Variants in MARCHF3 observed in about 807,000 individuals in gnomAD.
MARCHF3 encodes the protein E3 ubiquitin-protein ligase MARCHF3.
MARCHF3 carries 13 observed loss-of-function variants against 24.2 expected under a neutral mutation model. That is an observed-to-expected ratio of 0.54 (90% CI 0.35 to 0.85). The LOEUF is 0.85. MARCHF3 is among the 40% of genes least tolerant of loss of function. The pLI is 0.01. For missense variants in MARCHF3, 276 were observed against 325.0 expected, an observed-to-expected ratio of 0.85 and a Z score of 1.16; for synonymous variants, 144 against 137.3, an observed-to-expected ratio of 1.05 and a Z score of -0.34.
intron 1 of MARCHF3, among the ~76,000 whole-genome samples, chr5:126,923,097 C>T (rs1749176147): frequency 6.6e-6 from 1 of 152,144 alleles, no homozygotes; most frequent in African/African-American, 2.4e-5. Flanking sequence ...CACCATGGCA[C>T]ACATTTACCT....
At chr5:126,984,373 A>C (rs1384299499) in intron 1 of MARCHF3, among the ~76,000 whole-genome samples, 1 of 152,186 alleles carries the variant, frequency 6.6e-6, no homozygotes, top group Non-Finnish European at 1.5e-5. Context: ...GGAAGGGAGT[A>C]AGGAAAGCCA....
At chr5:126,889,312 G>A (rs554572288) in intron 3 of MARCHF3, among the ~76,000 whole-genome samples, 1 of 152,006 alleles carries the variant, frequency 6.6e-6, no homozygotes, top group Admixed American at 6.6e-5. Flanking sequence ...CAAAAGATGA[G>A]AATACGATAA....
intron 1 of MARCHF3, among the ~76,000 whole-genome samples, chr5:126,985,908 G>A (rs1212298527): frequency 6.6e-6 from 1 of 152,130 alleles, no homozygotes; most frequent in Non-Finnish European, 1.5e-5. Context: ...ACTCTATTTG[G>A]TCCCTGGATA....
intron 1 of MARCHF3, among the ~76,000 whole-genome samples, chr5:126,926,165 T>C (rs747829275): frequency 2.0e-5 from 3 of 152,240 alleles, no homozygotes; most frequent in Non-Finnish European, 2.9e-5. Flanking sequence ...GATGTGCTAA[T>C]TCTTAACCCA....
chr5:126,942,795 G>A (rs1749874862), intron 1 of MARCHF3, among the ~76,000 whole-genome samples: 1 of 152,126 alleles, frequency 6.6e-6, no homozygotes, highest in Admixed American at 6.5e-5. Flanking sequence ...TCTGACATGT[G>A]TTTTGAAACT....
intron 1 of MARCHF3, among the ~76,000 whole-genome samples, chr5:127,008,594 C>G (rs1257522385): frequency 1.3e-5 from 2 of 152,188 alleles, no homozygotes; most frequent in Non-Finnish European, 2.9e-5. Flanking sequence ...TTCTGGACAG[C>G]TCTGTTTTGT....
At chr5:126,872,340 G>A (rs1034789470) in intron 4 of MARCHF3, among the ~76,000 whole-genome samples, 26 of 152,194 alleles carry the variant, frequency 1.7e-4, no homozygotes, top group South Asian at 4.1e-4. Context: ...GATTACAGGC[G>A]TGAACCATGG....
chr5:127,005,927 G>C (rs1446871891), intron 1 of MARCHF3, among the ~76,000 whole-genome samples: 3 of 151,840 alleles, frequency 2.0e-5, no homozygotes, highest in African/African-American at 7.3e-5. Context: ...TTTTGGCCAG[G>C]GTGGTGGCTC....
At chr5:127,023,797 A>C (rs942714130) in intron 1 of MARCHF3, among the ~76,000 whole-genome samples, 1 of 151,854 alleles carries the variant, frequency 6.6e-6, no homozygotes, top group African/African-American at 2.4e-5. Context: ...AAATAAAAAA[A>C]GGTTCCCTCA....
At chr5:126,932,725 G>T (rs1749518676) in intron 1 of MARCHF3, among the ~76,000 whole-genome samples, 1 of 152,096 alleles carries the variant, frequency 6.6e-6, no homozygotes, top group African/African-American at 2.4e-5. Flanking sequence ...TGGCTTCAAG[G>T]GGTAAAATAC....
intron 4 of MARCHF3, among the ~76,000 whole-genome samples, chr5:126,877,022 AAATT>A (rs1428877092): frequency 7.2e-5 from 11 of 152,226 alleles, no homozygotes; most frequent in Non-Finnish European, 1.6e-4. Flanking sequence ...CAGAATGTCT[AAATT>A]AACCATAAGA....
chr5:126,873,043 A>G (rs1261793648), intron 4 of MARCHF3, among the ~76,000 whole-genome samples: 1 of 152,212 alleles, frequency 6.6e-6, no homozygotes, highest in Middle Eastern at 3.2e-3. Flanking sequence ...ATCTGGGAAC[A>G]TTACGGGAAA....
At chr5:127,023,158 TAC>T (rs1490783213) in intron 1 of MARCHF3, among the ~76,000 whole-genome samples, 3 of 152,208 alleles carry the variant, frequency 2.0e-5, no homozygotes, top group African/African-American at 7.2e-5. Flanking sequence ...AAATGAAAAC[TAC>T]AGTCTTCCCT....
chr5:126,983,893 G>A (rs1455275775), intron 1 of MARCHF3, among the ~76,000 whole-genome samples: 2 of 152,052 alleles, frequency 1.3e-5, no homozygotes, highest in African/African-American at 4.8e-5. Context: ...GTTTAGTGTT[G>A]GCTATTTTTT....
In MARCHF3 at chr5:126,949,804, C is replaced by T. The variant is rs1750155146; in HGVS notation, c.-56-31577G>A. On this transcript the variant is annotated intron_variant, in intron 1 of 4. Coordinates refer to ENST00000308660, the MANE Select transcript of MARCHF3 (RefSeq NM_178450.5). Reference sequence around the variant, plus strand: ...CGATCTGAGAAGGAAGGAATTGAACCCTGCAGGAATTCCTGGGAACTCAGG... The same window carrying T: ...CGATCTGAGAAGGAAGGAATTGAACTCTGCAGGAATTCCTGGGAACTCAGG... Among the ~76,000 whole-genome samples the T allele has an allele frequency of 2.0e-5, 3 of 152,260 alleles. No homozygotes were observed. The South Asian group carries it at 6.2e-4, about 32-fold the overall frequency.
chr5:126,973,966 C>T (rs542444603), intron 1 of MARCHF3, among the ~76,000 whole-genome samples: 2 of 145,104 alleles, frequency 1.4e-5, no homozygotes, highest in African/African-American at 5.1e-5. Flanking sequence ...GGCACAATCT[C>T]GGCTCACTGC....
At chr5:127,011,598 T>C (rs1396686750) in intron 1 of MARCHF3, among the ~76,000 whole-genome samples, 1 of 152,138 alleles carries the variant, frequency 6.6e-6, no homozygotes, top group South Asian at 2.1e-4. Flanking sequence ...AAATAACAAA[T>C]CTTCCTCATG....
chr5:126,895,086 T>G (rs543086650), intron 3 of MARCHF3, among the ~76,000 whole-genome samples: 1 of 152,228 alleles, frequency 6.6e-6, no homozygotes, highest in African/African-American at 2.4e-5. Context: ...ATGCCCTTTC[T>G]TCCAGTTGAT....
At position 126,878,220 on chromosome 5, in the gene MARCHF3, C is replaced by T; in HGVS notation, c.568G>A (p.Val190Ile). The T allele has an allele frequency of 6.2e-7, 1 of 1,614,260 alleles. No homozygotes were observed. The highest frequency in any genetic ancestry group is 8.5e-7 in the Non-Finnish European group (1 of 1,180,050). The change falls in exon 4 of 5, where the codon GTC (valine) becomes ATC (isoleucine). Residue 190 changes from valine (V) to isoleucine (I), a missense_variant. Transcript: ENST00000308660. ...AAGAGGTAAATAGTGAAGAGTGCGA[C>T]AGTGAGTGCAATCAGTCCGACGGCT... ...LEAVGLIALT[V>I]ALFTIYLFWT...
Sources: allele counts gnomAD v4.1 joint callset (sites outside exome capture counted in the v4.1 genomes callset), GRCh38; gene constraint gnomAD v4.1.1; transcripts MANE v1.5; gene names NCBI Gene and HGNC (gene_info 2026-07-23, HGNC 2026-07-21).